Variants in PIK3CB observed in about 807,000 individuals in gnomAD.
PIK3CB encodes the protein phosphatidylinositol 4,5-bisphosphate 3-kinase catalytic subunit beta isoform.
PIK3CB carries 39 observed loss-of-function variants against 136.8 expected under a neutral mutation model. The observed-to-expected ratio is 0.29, with a 90% CI of 0.22 to 0.37. The LOEUF (loss-of-function observed/expected upper bound fraction) is 0.37, where lower values mean the gene tolerates loss of function less well. PIK3CB is among the 10% of genes least tolerant of loss of function. The pLI is 1.00. For synonymous variants in PIK3CB, 428 were observed against 436.6 expected (o/e 0.98, Z 0.25); for missense variants, 868 against 1,275.4 (o/e 0.68, Z 4.87).
intron 8 of PIK3CB, among the ~76,000 whole-genome samples, chr3:138,718,316 A>T (rs1027468252): frequency 6.6e-6 from 1 of 152,150 alleles, no homozygotes; most frequent in Non-Finnish European, 1.5e-5. Context: ...TGTTGGCCGC[A>T]TGTATGTCTT....
chr3:138,822,645 G>A (rs1379049031), intron 1 of PIK3CB, among the ~76,000 whole-genome samples: 6 of 150,302 alleles, frequency 4.0e-5, no homozygotes, highest in Non-Finnish European at 7.4e-5. Flanking sequence ...AGTTCGAGAC[G>A]AGCCTGGCCA....
At chr3:138,733,785 G>C (rs2045042094) in intron 7 of PIK3CB, among the ~76,000 whole-genome samples, 1 of 152,150 alleles carries the variant, frequency 6.6e-6, no homozygotes, top group Non-Finnish European at 1.5e-5. Flanking sequence ...GGCTGAGGCA[G>C]GAGAATGACA....
intron 1 of PIK3CB, among the ~76,000 whole-genome samples, chr3:138,820,334 T>C (rs1285491727): frequency 6.6e-6 from 1 of 152,200 alleles, no homozygotes; most frequent in Non-Finnish European, 1.5e-5. Context: ...ACCTCAGAAT[T>C]TCCTGTTACA....
chr3:138,801,913 G>T (rs1193295728), intron 1 of PIK3CB, among the ~76,000 whole-genome samples: 1 of 150,892 alleles, frequency 6.6e-6, no homozygotes, highest in East Asian at 1.9e-4. Context: ...GGGTGTGTTG[G>T]TGCACACATG....
At position 138,738,501 on chromosome 3, in the gene PIK3CB, T is replaced by A. The variant is rs930792993; in HGVS notation, c.622-615A>T. ...CTGCAGCTATATTTTGTATATATAT[T>A]TTTAAAAACTTACACATTTCTCACT... On this transcript the variant is annotated intron_variant, in intron 5 of 23. Coordinates refer to ENST00000674063, the MANE Select transcript of PIK3CB (RefSeq NM_006219.3). Among the ~76,000 whole-genome samples, 11 of 152,226 alleles carry A rather than the reference T, an allele frequency of 7.2e-5. No individual in the cohort carries two copies. In the South Asian group the frequency reaches 1.9e-3, roughly 26 times the overall value.
chr3:138,666,072 T>C (rs768959102), intron 19 of PIK3CB, among the ~76,000 whole-genome samples: 11 of 152,186 alleles, frequency 7.2e-5, no homozygotes, highest in East Asian at 3.8e-4. Context: ...TTCTGAAAAA[T>C]AGATTATCAA....
chr3:138,719,467 A>G (rs1399609619), intron 8 of PIK3CB, among the ~76,000 whole-genome samples: 1 of 151,930 alleles, frequency 6.6e-6, no homozygotes, highest in Non-Finnish European at 1.5e-5. Flanking sequence ...GCTGGTCTCA[A>G]ACTCCTGAGC....
intron 4 of PIK3CB, among the ~76,000 whole-genome samples, chr3:138,753,927 A>G (rs1041402793): frequency 1.9e-4 from 29 of 152,262 alleles, no homozygotes; most frequent in Non-Finnish European, 4.1e-4. Context: ...TAGCATGAGA[A>G]TACAGAAAAG....
At chr3:138,766,431 A>C (rs2045733408) in intron 2 of PIK3CB, among the ~76,000 whole-genome samples, 1 of 152,218 alleles carries the variant, frequency 6.6e-6, no homozygotes, top group African/African-American at 2.4e-5. Flanking sequence ...AAATGTCTTA[A>C]AATTTTTTTA....
chr3:138,814,651 CTTTG>C (rs1204009319), intron 1 of PIK3CB, among the ~76,000 whole-genome samples: 1 of 151,992 alleles, frequency 6.6e-6, no homozygotes, highest in Non-Finnish European at 1.5e-5. Flanking sequence ...AACCGTTATC[CTTTG>C]TCTCTGTCTC....
At chr3:138,810,410 T>C (rs1054840277) in intron 1 of PIK3CB, among the ~76,000 whole-genome samples, 7 of 151,926 alleles carry the variant, frequency 4.6e-5, no homozygotes, top group Non-Finnish European at 7.4e-5. Flanking sequence ...CTCAGCCAGC[T>C]GATCAAGGAC....
intron 1 of PIK3CB, among the ~76,000 whole-genome samples, chr3:138,804,922 A>G (rs6781914): frequency 0.51 from 77,579 of 151,924 alleles, 22,350 homozygotes; most frequent in African/African-American, 0.75. Flanking sequence ...CTACTCGGAA[A>G]GCTGAGGCAG....
At chr3:138,727,995 G>A (rs1352952566) in intron 8 of PIK3CB, among the ~76,000 whole-genome samples, 1 of 151,972 alleles carries the variant, frequency 6.6e-6, no homozygotes, top group Non-Finnish European at 1.5e-5. Context: ...CTGACCTCGA[G>A]ATCCGCCCGC....
Position 138,679,748 on chromosome 3 carries a change from A to AATTATTATT in PIK3CB, c.2504+2210_2504+2218dup, listed in dbSNP as rs59677449. Among the ~76,000 whole-genome samples the AATTATTATT allele has an allele frequency of 7.5e-3, 1,067 of 141,446 alleles. 11 individuals carry two copies. The highest frequency in any genetic ancestry group is 0.046 in the Middle Eastern group (13 of 280). The allele number at this position is 141,446 out of a possible 152,430, so 92.8% of individuals were successfully genotyped here. A position where few individuals can be genotyped will look rare whatever the true frequency, so the allele number is the denominator to read the frequency against. Reference sequence around the variant, plus strand: ...TAGGCACATGCCAACATGCCTGGCTAATTATTATTATTATTATTATTATTA... The same window carrying AATTATTATT: ...TAGGCACATGCCAACATGCCTGGCTAATTATTATTATTATTATTATTATTATTATTATTA... On this transcript the variant is annotated intron_variant, in intron 19 of 23. Coordinates refer to ENST00000674063, the MANE Select transcript of PIK3CB (RefSeq NM_006219.3).
intron 1 of PIK3CB, among the ~76,000 whole-genome samples, chr3:138,831,865 G>A (rs1934055019): frequency 6.6e-6 from 1 of 151,934 alleles, no homozygotes; most frequent in African/African-American, 2.4e-5. Context: ...GTCACAGTGA[G>A]CAGAGATCGT....
Position 138,733,320 on chromosome 3 carries a change from A to G in PIK3CB, c.1050+41T>C, listed in dbSNP as rs759141088. The G allele has an allele frequency of 5.6e-6, 5 of 888,460 alleles. No individual in the cohort carries two copies. The African/African-American group carries it at 8.3e-5, about 15-fold the overall frequency. The allele number at this position is 888,460 out of a possible 1,614,324, so 55.0% of individuals were successfully genotyped here. On this transcript the variant is annotated intron_variant, in intron 8 of 23. Coordinates refer to ENST00000674063, the MANE Select transcript of PIK3CB (RefSeq NM_006219.3). ...GAGCATATCAGTGAGTTATTCAAATACTGGAGCGGATGGCAAATTCAAATC... is the reference window on the plus strand; with the variant it reads ...GAGCATATCAGTGAGTTATTCAAATGCTGGAGCGGATGGCAAATTCAAATC...
chr3:138,750,112 C>T (rs543029194), intron 4 of PIK3CB, among the ~76,000 whole-genome samples: 1 of 152,134 alleles, frequency 6.6e-6, no homozygotes, highest in East Asian at 1.9e-4. Context: ...ATCCTGGGCT[C>T]AAGTGATCCA....
At chr3:138,728,079 T>A (rs1046216115) in intron 8 of PIK3CB, among the ~76,000 whole-genome samples, 1 of 152,160 alleles carries the variant, frequency 6.6e-6, no homozygotes, top group Non-Finnish European at 1.5e-5. Flanking sequence ...CCCAAAGTTC[T>A]GGGAATGTAG....
At chr3:138,705,963 G>A (rs2108556282) in intron 11 of PIK3CB, among the ~76,000 whole-genome samples, 1 of 152,288 alleles carries the variant, frequency 6.6e-6, no homozygotes, top group Middle Eastern at 3.4e-3. Context: ...ATGTTGTCCA[G>A]GCTATCTTGA....
Sources: allele counts gnomAD v4.1 joint callset (sites outside exome capture counted in the v4.1 genomes callset), GRCh38; gene constraint gnomAD v4.1.1; transcripts MANE v1.5; gene names NCBI Gene and HGNC (gene_info 2026-07-23, HGNC 2026-07-21).